Variants in MEF2C observed in about 807,000 individuals in gnomAD.
MEF2C encodes the protein myocyte enhancer factor 2C.
A neutral mutation model predicts 50.5 loss-of-function variants in MEF2C; 6 were observed. The observed-to-expected ratio is 0.12, with a 90% CI of 0.07 to 0.23. The LOEUF (loss-of-function observed/expected upper bound fraction) is 0.23. Ranked by LOEUF, MEF2C falls within the 10% of genes least tolerant of loss-of-function variation. MEF2C has a pLI of 1.00. For missense variants in MEF2C, 276 were observed against 605.0 expected (o/e 0.46, Z 5.70); for synonymous variants, 183 against 228.0 (o/e 0.80, Z 1.78).
intron 6 of MEF2C, chr5:88,737,053 C>T: frequency 1.3e-5 from 13 of 985,064 alleles, no homozygotes; most frequent in Non-Finnish European, 1.6e-5. Context: ...GTTTCAGGTG[C>T]TTCACAAATA....
At chr5:88,842,730 T>A (rs75921768) in intron 1 of MEF2C, among the ~76,000 whole-genome samples, 3,538 of 152,226 alleles carry the variant, frequency 0.023, 265 homozygotes, top group Admixed American at 0.13. Context: ...AAACCCCTCT[T>A]ATGTGTAGCT....
chr5:88,822,171 A>G (rs747153665), intron 2 of MEF2C, among the ~76,000 whole-genome samples: 2 of 152,032 alleles, frequency 1.3e-5, no homozygotes, highest in Non-Finnish European at 2.9e-5. Context: ...GCAAAAGAAG[A>G]TATAATGAAT....
chr5:88,723,930 G>C (rs254780), intron 10 of MEF2C, among the ~76,000 whole-genome samples: 70,558 of 152,054 alleles, frequency 0.46, 18,589 homozygotes, highest in East Asian at 0.59. Context: ...GAGGAAAAAA[G>C]TATTAAGCCC....
intron 6 of MEF2C, chr5:88,734,777 C>A: frequency 1.0e-6 from 1 of 981,140 alleles, no homozygotes; most frequent in East Asian, 1.1e-4. Context: ...TTCTATTTTT[C>A]TCTTGGAATA....
Position 88,751,866 on chromosome 5 carries a change from C to T in MEF2C, c.580G>A (p.Gly194Ser), listed in dbSNP as rs1716937350. ...CCTTATGAGGACATACCTGTGTTAC[C>T]TGCACTTGGAGGTCGATGTGTTACA... ...PGVTHRPPSAGNTGGLMGGDL... is the reference protein window; with the variant it reads ...PGVTHRPPSASNTGGLMGGDL... Residue 194 changes from glycine (G) to serine (S), a missense_variant, in exon 5 of 11, where the codon GGT becomes AGT. Transcript: ENST00000504921. The T allele has an allele frequency of 6.2e-7, 1 of 1,613,686 alleles. No homozygotes were observed. Among genetic ancestry groups the T allele is most frequent in the African/African-American group, 1.3e-5 (1 of 74,888 alleles).
intron 1 of MEF2C, among the ~76,000 whole-genome samples, chr5:88,834,655 G>A (rs1814359326): frequency 6.6e-6 from 1 of 152,136 alleles, no homozygotes; most frequent in Non-Finnish European, 1.5e-5. Flanking sequence ...GATTTATAGG[G>A]AGGGGTTATT....
chr5:88,772,194 C>T (rs1242388771), intron 3 of MEF2C: 1 of 152,204 alleles, frequency 6.6e-6, no homozygotes, highest in Admixed American at 6.5e-5. Context: ...CAGAACTTTC[C>T]ATAAGGCATT....
chr5:88,736,056 C>G lies in MEF2C; in HGVS notation c.638-4155G>C, dbSNP rs751472195. On this transcript the variant is annotated intron_variant, in intron 6 of 10. Coordinates refer to ENST00000504921, the MANE Select transcript of MEF2C (RefSeq NM_002397.5). Reference sequence around the variant, plus strand: ...CATAACCATTTTTTAATCTACCAAACTGTCATCTTCTATTATCCCCTCTCC... The same window carrying G: ...CATAACCATTTTTTAATCTACCAAAGTGTCATCTTCTATTATCCCCTCTCC... 691 of 985,254 alleles carry G rather than the reference C, an allele frequency of 7.0e-4. 1 individual carries two copies. Among genetic ancestry groups the G allele is most frequent in the Non-Finnish European group, 7.8e-4 (649 of 829,916 alleles). The allele number at this position is 985,254 out of a possible 1,614,324, so 61.0% of individuals were successfully genotyped here.
rs533496836 is a variant in MEF2C at position 88,719,966 on chromosome 5, T to C, written c.*2638A>G. ...TTTATCTTCAGCATTAAAAATTCAC[T>C]TTTTCTTTGTTGCTGAGGCAAATTG... On this transcript the variant is annotated 3_prime_UTR_variant, in exon 11 of 11. Transcript: ENST00000504921. The C allele has an allele frequency of 1.3e-5, 2 of 152,338 alleles. No individual in the cohort carries two copies. Among genetic ancestry groups the C allele is most frequent in the Admixed American group, 1.3e-4 (2 of 15,296 alleles). 9.4% of individuals were successfully genotyped at this position (152,338 alleles called of 1,614,324 possible).
At chr5:88,831,286 G>C (rs1203437911) in intron 1 of MEF2C, among the ~76,000 whole-genome samples, 1 of 151,960 alleles carries the variant, frequency 6.6e-6, no homozygotes, top group Non-Finnish European at 1.5e-5. Context: ...AACAATAAGA[G>C]TACATTTTAA....
Position 88,718,479 on chromosome 5 carries a change from A to G in MEF2C, c.*4125T>C, listed in dbSNP as rs773433533. On this transcript the variant is annotated 3_prime_UTR_variant, in exon 11 of 11. Coordinates refer to ENST00000504921, the MANE Select transcript of MEF2C (RefSeq NM_002397.5). The stretch of plus-strand genomic sequence containing the variant: ...TTGAATATTTGTTGCAAATGCTTGT[A>G]TGCCCTCATTTACAAGCGATTTTAA... 1 of 152,188 alleles carries G rather than the reference A, an allele frequency of 6.6e-6. No individual in the cohort carries two copies. The highest frequency in any genetic ancestry group is 1.5e-5 in the Non-Finnish European group (1 of 68,040). The allele number at this position is 152,188 out of a possible 1,614,324, so 9.4% of individuals were successfully genotyped here.
At chr5:88,745,748 G>A (rs1769180889) in intron 6 of MEF2C, among the ~76,000 whole-genome samples, 1 of 152,210 alleles carries the variant, frequency 6.6e-6, no homozygotes, top group African/African-American at 2.4e-5. Flanking sequence ...CCAGGAGATT[G>A]AGGCTGCAGT....
intron 1 of MEF2C, chr5:88,824,494 T>C (rs906442447): frequency 1.3e-5 from 4 of 318,252 alleles, no homozygotes; most frequent in Non-Finnish European, 1.4e-5. Context: ...AAAAAAATTA[T>C]TGCTGTGAGA....
At chr5:88,800,999 G>C (rs1798095136) in intron 3 of MEF2C, among the ~76,000 whole-genome samples, 1 of 152,124 alleles carries the variant, frequency 6.6e-6, no homozygotes, top group Admixed American at 6.6e-5. Context: ...ATCAAGCAAA[G>C]ACATGATAAT....
chr5:88,846,690 A>C (rs1158292551), intron 1 of MEF2C, among the ~76,000 whole-genome samples: 1 of 152,128 alleles, frequency 6.6e-6, no homozygotes, highest in Non-Finnish European at 1.5e-5. Flanking sequence ...CAGTCACATG[A>C]GTTGGAGCTG....
At chr5:88,894,616 A>G (rs1481076011) in intron 1 of MEF2C, among the ~76,000 whole-genome samples, 2 of 152,216 alleles carry the variant, frequency 1.3e-5, no homozygotes, top group African/African-American at 4.8e-5. Flanking sequence ...AGTAAACAGG[A>G]TGAAAACTAA....
intron 1 of MEF2C, among the ~76,000 whole-genome samples, chr5:88,853,595 G>A (rs573254703): frequency 1.1e-4 from 16 of 152,284 alleles, no homozygotes; most frequent in African/African-American, 3.8e-4. Context: ...CTGGTGAAAA[G>A]TAAAACTTAG....
At chr5:88,734,593 T>G (rs1286262493) in intron 6 of MEF2C, 3 of 850,488 alleles carry the variant, frequency 3.5e-6, no homozygotes, top group Admixed American at 8.7e-5. Flanking sequence ...TTTTTTTTTT[T>G]TTTTTAGCAT....
At chr5:88,740,264 G>GTA (rs1766005037) in intron 6 of MEF2C, 1 of 984,756 alleles carries the variant, frequency 1.0e-6, no homozygotes, top group South Asian at 4.7e-5. Context: ...GTGTGTGTGT[G>GTA]TGTGTGAAAT....
Sources: allele counts gnomAD v4.1 joint callset (sites outside exome capture counted in the v4.1 genomes callset), GRCh38; gene constraint gnomAD v4.1.1; transcripts MANE v1.5; gene names NCBI Gene and HGNC (gene_info 2026-07-23, HGNC 2026-07-21).